SMG5: variants seen among roughly 807,000 people sequenced by gnomAD.
SMG5 encodes the protein SMG5 nonsense mediated mRNA decay factor.
SMG5 carries 53 observed loss-of-function variants against 122.9 expected under a neutral mutation model. The ratio of observed to expected loss-of-function variants is 0.43; its 90% CI spans 0.35 to 0.54. The LOEUF (loss-of-function observed/expected upper bound fraction) is 0.54. Among genes scored for constraint, SMG5 ranks in the 20% least tolerant of loss-of-function variants. The probability of loss-of-function intolerance (pLI) is 0.01; values close to 1 mark genes in which losing one functional copy is unlikely to be tolerated. For missense variants in SMG5, 1,153 were observed against 1,285.6 expected (o/e 0.90, Z 1.58); for synonymous variants, 477 against 490.2 (o/e 0.97, Z 0.35).
chr1:156,282,810 G>A lies in SMG5; in HGVS notation c.-130C>T. The stretch of plus-strand genomic sequence containing the variant: ...CCCTGCTCGGCCGCCATCGCTGTGA[G>A]GCGGCTGCCCGCGACAGCTCCTCCT... On this transcript the variant is annotated 5_prime_UTR_variant, in exon 1 of 22. Coordinates refer to ENST00000361813, the MANE Select transcript of SMG5 (RefSeq NM_015327.3). 1 of 1,015,550 alleles carries A rather than the reference G, an allele frequency of 9.8e-7. No individual in the cohort carries two copies. 62.9% of individuals were successfully genotyped at this position (1,015,550 alleles called of 1,614,324 possible).
intron 13 of SMG5, among the ~76,000 whole-genome samples, chr1:156,262,324 C>G (rs1433063412): frequency 6.6e-6 from 1 of 150,864 alleles, no homozygotes; most frequent in Non-Finnish European, 1.5e-5. Flanking sequence ...ACTAAAAATA[C>G]AAAAAATTAG....
Position 156,282,609 on chromosome 1 carries a change from G to A in SMG5, c.72C>T (p.Tyr24=). ...EAKVLHTKRL[Y]RAVVEAVHRL... is the part of the protein sequence containing the mutation. ...TCTCACGCCCTGGCCCCTCTCACCG[G>A]TAAAGCCGCTTAGTGTGGAGGACTT... The change falls in exon 1 of 22, where the codon TAC becomes TAT. Residue 24 remains tyrosine (Y), a splice_region_variant and synonymous_variant. Transcript: ENST00000361813. 6.2e-7 allele frequency: 1 copy of A among 1,608,064 alleles called. No homozygotes were observed. The highest frequency in any genetic ancestry group is 8.5e-7 in the Non-Finnish European group (1 of 1,179,444).
chr1:156,277,980 A>G lies in SMG5; in HGVS notation c.242T>C (p.Leu81Pro). Residue 81 changes from leucine to proline, a missense_variant, in exon 3 of 22, where the codon CTG (leucine) becomes CCG (proline). Physicochemically the swap from Leu to Pro is moderately conservative, Grantham distance 98. Around this residue, in one of 5 missense-constraint regions of SMG5, gnomAD observed 213 missense variants for 197.5 expected, o/e 1.08. Coordinates refer to ENST00000361813, the MANE Select transcript of SMG5 (RefSeq NM_015327.3). ...PVDYGRKAEE[L>P]LWRKVYYEVI... ...TTCATAGTATACCTTTCTCCACAGC[A>G]GCTCCTCAGCCTTTCTCCCATAGTC... The G allele has an allele frequency of 1.2e-6, 2 of 1,614,210 alleles. No individual in the cohort carries two copies. Among genetic ancestry groups the G allele is most frequent in the Non-Finnish European group, 1.7e-6 (2 of 1,180,028 alleles).
At chr1:156,283,082 G>C (rs1308350600), upstream of SMG5, 3 of 394,532 alleles carry the variant, frequency 7.6e-6, no homozygotes, top group Non-Finnish European at 1.4e-5. Context: ...TTACAGCTAG[G>C]AGCGTGACTG....
upstream of SMG5, chr1:156,285,920 A>G (rs777278993): frequency 6.2e-7 from 1 of 1,604,326 alleles, no homozygotes; most frequent in South Asian, 1.1e-5. Flanking sequence ...GCTGCCCACC[A>G]TGAGTTCCCG....
chr1:156,253,355 A>G (rs1327381952), intron 17 of SMG5, 94 bp downstream of exon 17: 2 of 1,288,826 alleles, frequency 1.6e-6, no homozygotes, highest in African/African-American at 2.9e-5. Context: ...GCAACAGAGC[A>G]GGGGGACTAC....
At chr1:156,253,116 A>G in intron 17 of SMG5, 38 bp from the exon 18 acceptor site, 1 of 1,537,372 alleles carries the variant, frequency 6.5e-7, no homozygotes, top group East Asian at 2.3e-5. Context: ...GCTGTGGGGG[A>G]CCCCTGCAGC....
intron 1 of SMG5, among the ~76,000 whole-genome samples, 178 bp from the exon 2 acceptor site, chr1:156,279,212 C>T (rs1042666602): frequency 2.6e-5 from 4 of 151,484 alleles, no homozygotes; most frequent in African/African-American, 9.7e-5. Context: ...GTTACAGTAA[C>T]CCCTGCCCCT....
chr1:156,255,392 A>G (rs1661536408), intron 16 of SMG5, among the ~76,000 whole-genome samples: 1 of 151,658 alleles, frequency 6.6e-6, no homozygotes, highest in Non-Finnish European at 1.5e-5. Flanking sequence ...TATAAAAATT[A>G]GCCAGTCGTG....
chr1:156,270,344 C>T (rs980422084), intron 7 of SMG5, among the ~76,000 whole-genome samples: 3 of 152,182 alleles, frequency 2.0e-5, no homozygotes, highest in African/African-American at 4.8e-5. Context: ...TGAGCCACTA[C>T]ATAAGAAGTT....
intron 2 of SMG5, 73 bp from the exon 3 acceptor site, chr1:156,278,121 A>G: frequency 6.4e-7 from 1 of 1,566,920 alleles, no homozygotes; most frequent in East Asian, 2.3e-5. Flanking sequence ...GAGGGCAAGG[A>G]GTCATGTGCC....
At chr1:156,285,502 T>C (rs1194025375), upstream of SMG5, 1 of 1,614,144 alleles carries the variant, frequency 6.2e-7, no homozygotes, top group Admixed American at 1.7e-5. Flanking sequence ...CGGATCCCCC[T>C]GGCTGGCGGG....
At chr1:156,265,073 A>AC (rs55872143) in intron 12 of SMG5, among the ~76,000 whole-genome samples, 33 of 150,492 alleles carry the variant, frequency 2.2e-4, no homozygotes, top group African/African-American at 7.6e-4. Context: ...ACACACACAC[A>AC]AAAGCCGGGC....
rs767256111 is a variant in SMG5 at position 156,252,947 on chromosome 1, G to A, written c.2634C>T (p.Gly878=). Residue 878 remains glycine (G), a synonymous_variant, in exon 18 of 22, where the codon GGC becomes GGT. Transcript: ENST00000361813. ...TCCTTGGGATGATGACAATGAAGCGGCCACTGGTGGCCAGTTGGCGGATGA... is the reference window on the plus strand; with the variant it reads ...TCCTTGGGATGATGACAATGAAGCGACCACTGGTGGCCAGTTGGCGGATGA... ...LPVIRQLATS[G]RFIVIIPRTV... 9.4e-5 allele frequency: 151 copies of A among 1,611,340 alleles called. No individual in the cohort carries two copies. The highest frequency in any genetic ancestry group is 1.2e-4 in the Non-Finnish European group (142 of 1,178,846).
Position 156,249,773 on chromosome 1 carries a change from C to T in SMG5, c.*814G>A. 2.1e-6 allele frequency: 1 copy of T among 471,130 alleles called. No homozygotes were observed. The highest frequency in any genetic ancestry group is 1.5e-5 in the South Asian group (1 of 64,566). 29.2% of individuals were successfully genotyped at this position (471,130 alleles called of 1,614,324 possible). ...CCCCCTTTCTTCTCTTCCTGGCATC[C>T]CATTCTGTCCCAGCACAGCAGCCAA... On this transcript the variant is annotated 3_prime_UTR_variant, in exon 22 of 22. Transcript: ENST00000361813.
chr1:156,289,769 T>C, the SMG5 span, among the ~76,000 whole-genome samples: 1 of 152,238 alleles, frequency 6.6e-6, no homozygotes, highest in African/African-American at 2.4e-5. Flanking sequence ...GTCCTTCATA[T>C]ATTAAGAAGT....
rs776134178 is a variant in SMG5, at chr1:156,266,132, C to T, written c.1504G>A (p.Glu502Lys). ...GCATCAAAGGCCGTTCCCCCACCTT[C>T]AAGACTCTTGTCAGAGCCACTGTCT... is the stretch of plus-strand genomic sequence containing the variant. ...GSDSGSDKSL[E>K]GGGTAFDAET... The change falls in exon 12 of 22, where the codon GAA becomes AAA. Residue 502 changes from glutamate to lysine, a missense_variant. Physicochemically the swap from Glu to Lys is moderately conservative, Grantham distance 56. Around this residue, in one of 5 missense-constraint regions of SMG5, gnomAD observed 631 missense variants for 650.6 expected, o/e 0.97. Transcript: ENST00000361813. 6.2e-7 allele frequency: 1 copy of T among 1,614,254 alleles called. No individual in the cohort carries two copies. Among genetic ancestry groups the T allele is most frequent in the Non-Finnish European group, 8.5e-7 (1 of 1,180,046 alleles).
At chr1:156,266,753 C>T in intron 10 of SMG5, 75 bp from the exon 11 acceptor site, 8 of 1,501,600 alleles carry the variant, frequency 5.3e-6, no homozygotes, top group Non-Finnish European at 6.4e-6. Flanking sequence ...CCAACCACAT[C>T]TCATCTGTTC....
chr1:156,260,717 G>A, intron 14 of SMG5, 91 bp from the exon 15 acceptor site: 1 of 1,171,398 alleles, frequency 8.5e-7, no homozygotes, highest in Non-Finnish European at 1.2e-6. Flanking sequence ...TTATCAGGCT[G>A]ATGAGATGAT....
Sources: allele counts gnomAD v4.1 joint callset (sites outside exome capture counted in the v4.1 genomes callset), GRCh38; gene constraint gnomAD v4.1.1; regional missense constraint gnomAD v4.1.1; transcripts MANE v1.5; gene names NCBI Gene and HGNC (gene_info 2026-07-23, HGNC 2026-07-21).